Variants in PCDH11Y observed in about 807,000 individuals in gnomAD.
PCDH11Y encodes the protein protocadherin-11 Y-linked.
For synonymous variants in PCDH11Y, 9 were observed against 83.6 expected, an observed-to-expected ratio of 0.11 and a Z score of 4.87; for missense variants, 12 against 224.8, an observed-to-expected ratio of 0.05 and a Z score of 6.05.
chrY:5,036,598 C>A, intron 3 of PCDH11Y, among the ~76,000 whole-genome samples: 1 of 33,447 alleles, frequency 3.0e-5, no homozygotes, highest in Non-Finnish European at 7.4e-5. Flanking sequence ...ACAAGACCGT[C>A]TAGCTCCATA....
chrY:5,319,423 A>G, intron 2 of PCDH11Y, among the ~76,000 whole-genome samples: 7 of 33,849 alleles, frequency 2.1e-4, no homozygotes, highest in South Asian at 1.3e-3. Flanking sequence ...TAATATCTAG[A>G]GGTTTAGAAA....
At chrY:5,114,337 C>T in intron 2 of PCDH11Y, among the ~76,000 whole-genome samples, 1 of 32,423 alleles carries the variant, frequency 3.1e-5, no homozygotes. Context: ...ATGGCATGCA[C>T]TTTGATGCCT....
intron 2 of PCDH11Y, among the ~76,000 whole-genome samples, chrY:5,303,126 A>G (rs2053085462): frequency 3.1e-5 from 1 of 32,639 alleles, no homozygotes; most frequent in Non-Finnish European, 7.5e-5. Context: ...GAATGAGGGT[A>G]GTTATAAAAA....
At chrY:5,620,592 T>C (rs2053498390) in intron 4 of PCDH11Y, among the ~76,000 whole-genome samples, 16 of 32,137 alleles carry the variant, frequency 5.0e-4, no homozygotes, top group Admixed American at 8.6e-4. Context: ...CTGGCAGAGA[T>C]ACAACAAAAG....
At chrY:5,692,798 CAT>C (rs2053569208) in intron 4 of PCDH11Y, among the ~76,000 whole-genome samples, 3 of 33,103 alleles carry the variant, frequency 9.1e-5, no homozygotes, top group Non-Finnish European at 2.2e-4. Flanking sequence ...ATTTTAATTA[CAT>C]AGACACTTCC....
At chrY:5,266,010 C>A (rs2053025153) in intron 2 of PCDH11Y, among the ~76,000 whole-genome samples, 43 of 32,741 alleles carry the variant, frequency 1.3e-3, no homozygotes, top group South Asian at 8.9e-3. Flanking sequence ...ACAACACAAA[C>A]TGACTATTCA....
At chrY:5,660,578 CA>C (rs2053540369) in intron 4 of PCDH11Y, among the ~76,000 whole-genome samples, 3 of 32,174 alleles carry the variant, frequency 9.3e-5, no homozygotes, top group African/African-American at 3.7e-4. Context: ...GTCCCTAGGT[CA>C]CTGTGCTCTC....
chrY:5,460,268 TG>T (rs2053302050), intron 2 of PCDH11Y, among the ~76,000 whole-genome samples: 3 of 33,125 alleles, frequency 9.1e-5, no homozygotes, highest in African/African-American at 2.3e-4. Flanking sequence ...TCAACTCATA[TG>T]ACAGATTCAA....
At chrY:5,002,869 G>A in intron 1 of PCDH11Y, 1 of 35,124 alleles carries the variant, frequency 2.8e-5, no homozygotes, top group Non-Finnish European at 7.3e-5. Context: ...CGGCGAGGGA[G>A]CGCCTTTGCC....
At chrY:5,079,281 T>C in intron 1 of PCDH11Y, among the ~76,000 whole-genome samples, 1 of 33,096 alleles carries the variant, frequency 3.0e-5, no homozygotes, top group Non-Finnish European at 7.4e-5. Context: ...AAGTTGTCAA[T>C]GGATCTACCA....
At chrY:5,403,441 T>G (rs2124677269) in intron 2 of PCDH11Y, among the ~76,000 whole-genome samples, 1 of 32,945 alleles carries the variant, frequency 3.0e-5, no homozygotes, top group African/African-American at 1.2e-4. Flanking sequence ...CACTGAGTTT[T>G]TATTCATATG....
chrY:5,331,430 C>T (rs2124667588), intron 2 of PCDH11Y, among the ~76,000 whole-genome samples: 1 of 33,049 alleles, frequency 3.0e-5, no homozygotes, highest in Non-Finnish European at 7.5e-5. Context: ...TACATCCCAC[C>T]AGCATTAGCA....
At chrY:5,130,135 A>G in intron 2 of PCDH11Y, among the ~76,000 whole-genome samples, 6 of 33,343 alleles carry the variant, frequency 1.8e-4, no homozygotes, top group Non-Finnish European at 3.0e-4. Context: ...ATGTTTTGCT[A>G]TTGGAAGATA....
intron 3 of PCDH11Y, among the ~76,000 whole-genome samples, chrY:5,507,043 T>A: frequency 6.1e-5 from 2 of 32,772 alleles, no homozygotes; most frequent in Admixed American, 5.7e-4. Flanking sequence ...GTAAATAGTG[T>A]TAGAAAAGTA....
chrY:5,176,772 T>C, intron 2 of PCDH11Y, among the ~76,000 whole-genome samples: 1 of 32,918 alleles, frequency 3.0e-5, no homozygotes, highest in African/African-American at 1.2e-4. Flanking sequence ...TTGGGCTTCA[T>C]GGTAATTCAC....
chrY:5,115,414 C>T, intron 2 of PCDH11Y, among the ~76,000 whole-genome samples: 1 of 31,133 alleles, frequency 3.2e-5, no homozygotes, highest in Non-Finnish European at 7.6e-5. Flanking sequence ...GACATAAATC[C>T]TGTCGCCGAA....
At chrY:5,446,037 A>G in intron 2 of PCDH11Y, among the ~76,000 whole-genome samples, 1 of 33,456 alleles carries the variant, frequency 3.0e-5, no homozygotes, top group Non-Finnish European at 7.4e-5. Flanking sequence ...GCACTGTTAC[A>G]TCATTACAAC....
chrY:5,301,999 C>T, intron 2 of PCDH11Y, among the ~76,000 whole-genome samples: 2 of 29,535 alleles, frequency 6.8e-5, no homozygotes, highest in Non-Finnish European at 1.6e-4. Flanking sequence ...ATTGTTTCCA[C>T]TTCATGAACT....
chrY:5,406,821 C>G, intron 2 of PCDH11Y, among the ~76,000 whole-genome samples: 5 of 32,834 alleles, frequency 1.5e-4, no homozygotes. Flanking sequence ...TTTAAAATGC[C>G]TCTCTTAACA....
Sources: allele counts gnomAD v4.1 joint callset (sites outside exome capture counted in the v4.1 genomes callset), GRCh38; gene constraint gnomAD v4.1.1; transcripts MANE v1.5; gene names NCBI Gene and HGNC (gene_info 2026-07-23, HGNC 2026-07-21).